Variants in MYO18B observed in about 807,000 individuals in gnomAD.
The protein encoded by MYO18B is myosin XVIIIB.
A neutral mutation model predicts 273.0 loss-of-function variants in MYO18B; 204 were observed. The observed-to-expected ratio is 0.75, with a 90% confidence interval of 0.67 to 0.84. MYO18B has a LOEUF of 0.84. Among genes scored for constraint, MYO18B ranks in the 40% least tolerant of loss-of-function variants. The pLI, the probability that MYO18B is intolerant of heterozygous loss-of-function variation, is 0.00. For synonymous variants in MYO18B, 1,330 were observed against 1,305.7 expected (o/e 1.02, Z -0.40); for missense variants, 3,212 against 3,287.6 (o/e 0.98, Z 0.56).
At chr22:25,886,738 G>C (rs1265902825) in intron 25 of MYO18B, among the ~76,000 whole-genome samples, 2 of 152,194 alleles carry the variant, frequency 1.3e-5, no homozygotes, top group Admixed American at 1.3e-4. Flanking sequence ...GAAAGGGTCA[G>C]ATGGTAGATG....
chr22:26,017,339 TCTTC>T (rs772489837), intron 42 of MYO18B, among the ~76,000 whole-genome samples: 67 of 143,658 alleles, frequency 4.7e-4, no homozygotes, highest in African/African-American at 6.7e-4. Context: ...ACATTTTCCT[TCTTC>T]CTTCCTTCCT....
At chr22:25,793,293 A>G (rs1224535845) in intron 11 of MYO18B, among the ~76,000 whole-genome samples, 2 of 152,128 alleles carry the variant, frequency 1.3e-5, no homozygotes, top group Non-Finnish European at 2.9e-5. Flanking sequence ...GGAGTGCAGT[A>G]GTGGGATCAT....
intron 42 of MYO18B, among the ~76,000 whole-genome samples, chr22:26,013,898 T>C (rs1935104032): frequency 6.6e-6 from 1 of 152,226 alleles, no homozygotes; most frequent in African/African-American, 2.4e-5. Context: ...CTTTATGTAT[T>C]CTAAATGCAT....
At chr22:25,922,975 C>T (rs759923510) in intron 34 of MYO18B, among the ~76,000 whole-genome samples, 22 of 152,284 alleles carry the variant, frequency 1.4e-4, no homozygotes, top group East Asian at 3.9e-4. Context: ...GGATCCAACC[C>T]GGGACCACAC....
intron 39 of MYO18B, among the ~76,000 whole-genome samples, chr22:25,990,716 AAAAAGAAAAAG>A (rs1569270805): frequency 1.8e-4 from 8 of 44,362 alleles, no homozygotes; most frequent in South Asian, 1.1e-3. Flanking sequence ...AAAAAAAAAA[AAAAAGAAAAAG>A]AAAAAAAAAA....
At chr22:25,831,336 T>C (rs1009003822) in intron 15 of MYO18B, among the ~76,000 whole-genome samples, 2 of 152,240 alleles carry the variant, frequency 1.3e-5, no homozygotes, top group African/African-American at 4.8e-5. Context: ...AATACTGCAG[T>C]GAACATCCTT....
At chr22:25,852,256 C>G (rs1488632701) in intron 21 of MYO18B, among the ~76,000 whole-genome samples, 1 of 152,212 alleles carries the variant, frequency 6.6e-6, no homozygotes, top group Non-Finnish European at 1.5e-5. Flanking sequence ...TGTCATCTTG[C>G]TATTCAGATC....
chr22:25,952,171 A>G (rs2092799914), intron 37 of MYO18B, 115 bp from the exon 38 acceptor site: 2 of 1,163,490 alleles, frequency 1.7e-6, no homozygotes, highest in South Asian at 3.0e-5. Flanking sequence ...ACACCTGAGT[A>G]GAGAAGGAGG....
At chr22:25,874,624 A>C (rs946429032) in intron 23 of MYO18B, among the ~76,000 whole-genome samples, 20 of 152,328 alleles carry the variant, frequency 1.3e-4, no homozygotes, top group African/African-American at 4.6e-4. Context: ...CTAGGTAGCC[A>C]TGAGGTTGTC....
Position 25,874,413 on chromosome 22 carries a change from A to G in MYO18B, c.4079A>G (p.Lys1360Arg). The G allele has an allele frequency of 6.2e-7, 1 of 1,613,222 alleles. No homozygotes were observed. Among genetic ancestry groups the G allele is most frequent in the South Asian group, 1.1e-5 (1 of 90,974 alleles). ...TCTCGCCAGGAATTCAAGAAGCTGAAGGTACTGCATGCCGTTCCCATGAGG... is the reference window on the plus strand; with the variant it reads ...TCTCGCCAGGAATTCAAGAAGCTGAGGGTACTGCATGCCGTTCCCATGAGG... Reference protein sequence around the residue: ...FLSRQEFKKLKIRRLAAQCIQ... With the variant: ...FLSRQEFKKLRIRRLAAQCIQ... The change falls in exon 23 of 44, where the codon AAG becomes AGG. Residue 1360 changes from lysine to arginine, a missense_variant and splice_region_variant. Physicochemically the swap from Lys to Arg is conservative, Grantham distance 26. Transcript: ENST00000335473.
chr22:25,954,870 C>T (rs1308894605), intron 38 of MYO18B, among the ~76,000 whole-genome samples: 1 of 152,108 alleles, frequency 6.6e-6, no homozygotes, highest in Admixed American at 6.5e-5. Flanking sequence ...CGCCACCACG[C>T]CCGGCTAATT....
intron 12 of MYO18B, among the ~76,000 whole-genome samples, chr22:25,815,785 A>G (rs188032624): frequency 2.0e-5 from 3 of 152,278 alleles, no homozygotes; most frequent in Admixed American, 1.3e-4. Flanking sequence ...CAAGAGGGAA[A>G]CCTGTTTTGC....
At chr22:25,798,328 T>C (rs893920781) in intron 12 of MYO18B, among the ~76,000 whole-genome samples, 2 of 152,176 alleles carry the variant, frequency 1.3e-5, no homozygotes, top group Non-Finnish European at 2.9e-5. Context: ...TCTGCAATGA[T>C]GGAGATTACT....
chr22:25,772,520 G>C lies in MYO18B; in HGVS notation c.1869+10G>C. On this transcript the variant is annotated intron_variant, in intron 7 of 43. Coordinates refer to ENST00000335473, the MANE Select transcript of MYO18B (RefSeq NM_032608.7). ...GCCTTCTGCAGGGAAGGTGAGGTGG[G>C]ACCATTGTGGGCAGGGCTGAGGGGC... 1 of 1,612,266 alleles carries C rather than the reference G, an allele frequency of 6.2e-7. No homozygotes were observed. Among genetic ancestry groups the C allele is most frequent in the Non-Finnish European group, 8.5e-7 (1 of 1,179,318 alleles).
intron 11 of MYO18B, among the ~76,000 whole-genome samples, chr22:25,794,666 G>A (rs947944594): frequency 2.0e-5 from 3 of 151,666 alleles, no homozygotes; most frequent in Non-Finnish European, 4.4e-5. Flanking sequence ...CACTTCGCCC[G>A]GCTAAGTTTT....
chr22:25,899,685 C>T (rs1260923659), intron 29 of MYO18B: 1 of 152,168 alleles, frequency 6.6e-6, no homozygotes, highest in Non-Finnish European at 1.5e-5. Context: ...CCCCTTTCCA[C>T]CTCCCTGTGG....
chr22:26,063,051 A>G, the MYO18B span, among the ~76,000 whole-genome samples: 3 of 152,178 alleles, frequency 2.0e-5, no homozygotes, highest in Admixed American at 6.5e-5. Context: ...AAATTATGCC[A>G]TGATTCTACA....
At chr22:25,971,165 G>C (rs767749566) in intron 39 of MYO18B, among the ~76,000 whole-genome samples, 2 of 152,226 alleles carry the variant, frequency 1.3e-5, no homozygotes, top group Non-Finnish European at 2.9e-5. Context: ...ATAGATGAGC[G>C]TGGTTATGTT....
At chr22:25,899,458 G>T (rs552946134) in intron 29 of MYO18B, 1 of 152,292 alleles carries the variant, frequency 6.6e-6, no homozygotes, top group East Asian at 1.9e-4. Context: ...TGTGGAAACT[G>T]CCTCCTTTCC....
Sources: allele counts gnomAD v4.1 joint callset (sites outside exome capture counted in the v4.1 genomes callset), GRCh38; gene constraint gnomAD v4.1.1; transcripts MANE v1.5; gene names NCBI Gene and HGNC (gene_info 2026-07-23, HGNC 2026-07-21).